Variants in PDZD8 observed in about 807,000 individuals in gnomAD.
PDZD8 encodes the protein PDZ domain containing 8.
Under a neutral mutation model 85.8 loss-of-function variants are expected in PDZD8, and 14 were observed. That is an observed-to-expected ratio of 0.16 (90% CI 0.11 to 0.26). The LOEUF is 0.26. Ranked by LOEUF, PDZD8 falls within the 10% of genes least tolerant of loss-of-function variation. The pLI is 1.00. For missense variants in PDZD8, 1,197 were observed against 1,424.3 expected (o/e 0.84, Z 2.57); for synonymous variants, 592 against 568.6 (o/e 1.04, Z -0.59).
Position 117,327,225 on chromosome 10 carries a change from G to A in PDZD8, c.996-8251C>T, listed in dbSNP as rs561000699. Among the ~76,000 whole-genome samples, 4 of 152,302 alleles carry A rather than the reference G, an allele frequency of 2.6e-5. No homozygotes were observed. In the East Asian group the frequency reaches 7.7e-4, roughly 29 times the overall value. ...ACTGAAAGTAGCACTAATGCCCTAAGTTTTGGTCAGACTCTCACCTAGGGG... is the reference window on the plus strand; with the variant it reads ...ACTGAAAGTAGCACTAATGCCCTAAATTTTGGTCAGACTCTCACCTAGGGG... On this transcript the variant is annotated intron_variant, in intron 2 of 4. Transcript: ENST00000334464.
intron 3 of PDZD8, among the ~76,000 whole-genome samples, chr10:117,315,600 A>AAC (rs201429869): frequency 0.029 from 4,150 of 145,180 alleles, 75 homozygotes; most frequent in South Asian, 0.033. Flanking sequence ...AAAAAAAAAA[A>AAC]AAAAAAAAAA....
intron 2 of PDZD8, among the ~76,000 whole-genome samples, chr10:117,320,286 C>G (rs1205848671): frequency 2.0e-5 from 3 of 152,000 alleles, no homozygotes; most frequent in South Asian, 2.1e-4. Context: ...AGTAAACTAC[C>G]TAAGGGCCTT....
At chr10:117,367,927 G>A (rs1473401831) in intron 1 of PDZD8, among the ~76,000 whole-genome samples, 1 of 151,784 alleles carries the variant, frequency 6.6e-6, no homozygotes, top group African/African-American at 2.4e-5. Context: ...AAAAAGCTAA[G>A]GTCACAATGC....
intron 1 of PDZD8, among the ~76,000 whole-genome samples, chr10:117,365,452 T>C (rs767126422): frequency 6.6e-6 from 1 of 152,154 alleles, no homozygotes; most frequent in South Asian, 2.1e-4. Context: ...AATTTAACAA[T>C]AGTTTTAAGA....
Position 117,281,351 on chromosome 10 carries a change from CAAAAAAAAAAAAAAAAAAAAA to C in PDZD8, c.*1896_*1916del, listed in dbSNP as rs57494461. 2.6e-5 allele frequency: 3 copies of C among 113,936 alleles called. No individual in the cohort carries two copies. Among genetic ancestry groups the C allele is most frequent in the East Asian group, 2.5e-4 (1 of 3,944 alleles). 7.1% of individuals were successfully genotyped at this position (113,936 alleles called of 1,614,324 possible). A position where few individuals can be genotyped will look rare whatever the true frequency, so the allele number is the denominator to read the frequency against. The stretch of plus-strand genomic sequence containing the variant: ...CCTGGGAGACAGCGAGACTCTGTCT[CAAAAAAAAAAAAAAAAAAAAA>C]AAAAAAAAAAAAAAAAAAAGACATC... On this transcript the variant is annotated 3_prime_UTR_variant, in exon 5 of 5. Coordinates refer to ENST00000334464, the MANE Select transcript of PDZD8 (RefSeq NM_173791.5).
At chr10:117,319,000 G>C (rs1415545607) in intron 2 of PDZD8, 26 bp from the exon 3 acceptor site, 1 of 1,450,008 alleles carries the variant, frequency 6.9e-7, no homozygotes, top group Non-Finnish European at 9.7e-7. Context: ...AAACAAGGGA[G>C]AGTATCATAC....
At chr10:117,315,757 C>T (rs1844118959) in intron 3 of PDZD8, among the ~76,000 whole-genome samples, 1 of 152,022 alleles carries the variant, frequency 6.6e-6, no homozygotes, top group Non-Finnish European at 1.5e-5. Flanking sequence ...TTCTGTGGCG[C>T]TAACCAGGCA....
intron 1 of PDZD8, among the ~76,000 whole-genome samples, chr10:117,373,605 A>C (rs1163827522): frequency 2.3e-5 from 1 of 43,862 alleles, no homozygotes; most frequent in Non-Finnish European, 4.5e-5. Flanking sequence ...TAAAAAATAC[A>C]AAAAAAAAAA....
chr10:117,303,186 G>A (rs1003902640), intron 3 of PDZD8, among the ~76,000 whole-genome samples: 1 of 152,308 alleles, frequency 6.6e-6, no homozygotes, highest in Admixed American at 6.5e-5. Flanking sequence ...CACTGACAGC[G>A]ACATGGACAA....
chr10:117,346,154 T>C (rs1300453014), intron 1 of PDZD8, among the ~76,000 whole-genome samples: 1 of 148,386 alleles, frequency 6.7e-6, no homozygotes, highest in Non-Finnish European at 1.5e-5. Context: ...GACAGGAGAA[T>C]CGCTTGAACC....
chr10:117,350,129 C>T (rs1398204229), intron 1 of PDZD8, among the ~76,000 whole-genome samples: 1 of 152,108 alleles, frequency 6.6e-6, no homozygotes, highest in Non-Finnish European at 1.5e-5. Flanking sequence ...CTATAATCAG[C>T]CCCATTTTGC....
rs564574345 is a variant in PDZD8, at chr10:117,375,363, G to C, written c.-136C>G. On this transcript the variant is annotated 5_prime_UTR_variant, in exon 1 of 5. Transcript: ENST00000334464. ...CGAGCGGCTCCGTGGGCCTCGTCCA[G>C]GGGCTCGGGCCGGCGCGCTGCGGCG... is the stretch of plus-strand genomic sequence containing the variant. 16 of 626,664 alleles carry C rather than the reference G, an allele frequency of 2.6e-5. No individual in the cohort carries two copies. The Admixed American group carries it at 5.2e-4, about 20-fold the overall frequency. The allele number at this position is 626,664 out of a possible 1,614,324, so 38.8% of individuals were successfully genotyped here. A position where few individuals can be genotyped will look rare whatever the true frequency, so the allele number is the denominator to read the frequency against.
In PDZD8 at chr10:117,279,735, C is replaced by G. The variant is rs1157436101; in HGVS notation, c.*3533G>C. On this transcript the variant is annotated 3_prime_UTR_variant, in exon 5 of 5. Transcript: ENST00000334464. Reference sequence around the variant, plus strand: ...TATCTGATGAAAACAGCTGTAATATCCACCCATTTGACTTAATCCCGGGGG... The same window carrying G: ...TATCTGATGAAAACAGCTGTAATATGCACCCATTTGACTTAATCCCGGGGG... 1 of 152,154 alleles carries G rather than the reference C, an allele frequency of 6.6e-6. No homozygotes were observed. The highest frequency in any genetic ancestry group is 1.9e-4 in the East Asian group (1 of 5,196). 9.4% of individuals were successfully genotyped at this position (152,154 alleles called of 1,614,324 possible). A position where few individuals can be genotyped will look rare whatever the true frequency, so the allele number is the denominator to read the frequency against.
intron 1 of PDZD8, among the ~76,000 whole-genome samples, chr10:117,355,613 T>G (rs964832823): frequency 6.6e-6 from 1 of 151,806 alleles, no homozygotes; most frequent in African/African-American, 2.4e-5. Context: ...GAGACTCGGT[T>G]TCCTCAGAGG....
chr10:117,343,803 A>C (rs1455643342), intron 1 of PDZD8, among the ~76,000 whole-genome samples: 2 of 152,246 alleles, frequency 1.3e-5, no homozygotes, highest in Admixed American at 6.5e-5. Flanking sequence ...TGAATATACT[A>C]AACGGTGGGA....
At chr10:117,290,631 A>G (rs1426101228) in intron 3 of PDZD8, among the ~76,000 whole-genome samples, 1 of 152,156 alleles carries the variant, frequency 6.6e-6, no homozygotes, top group Non-Finnish European at 1.5e-5. Context: ...ATAAACAGAA[A>G]GGCAAAATAA....
intron 3 of PDZD8, among the ~76,000 whole-genome samples, chr10:117,313,301 A>G (rs1844069944): frequency 6.6e-6 from 1 of 152,214 alleles, no homozygotes; most frequent in South Asian, 2.1e-4. Flanking sequence ...AAAAGAATGT[A>G]AAATATCTCA....
At chr10:117,302,672 C>T (rs755151543) in intron 3 of PDZD8, among the ~76,000 whole-genome samples, 1 of 152,174 alleles carries the variant, frequency 6.6e-6, no homozygotes, top group Non-Finnish European at 1.5e-5. Context: ...CAAATCTCAA[C>T]TTGAATTGTA....
At position 117,374,331 on chromosome 10, in the gene PDZD8, G is replaced by C. The variant is rs773372790; in HGVS notation, c.872+25C>G. The C allele has an allele frequency of 3.7e-6, 6 of 1,606,058 alleles. No individual in the cohort carries two copies. Among genetic ancestry groups the C allele is most frequent in the Admixed American group, 1.7e-5 (1 of 59,740 alleles). Reference sequence around the variant, plus strand: ...CCAGGCCCGGGTTCCCGGCAGCCAGGCCCCCTCCCCGACCTCCAGCTCACC... The same window carrying C: ...CCAGGCCCGGGTTCCCGGCAGCCAGCCCCCCTCCCCGACCTCCAGCTCACC... On this transcript the variant is annotated intron_variant, in intron 1 of 4. Transcript: ENST00000334464. The surrounding 1 kb of genome is among the most constrained non-coding windows in gnomAD (Gnocchi z 7.8).
Sources: gnomAD v4.1 joint callset for allele counts (sites outside exome capture counted in the v4.1 genomes callset) on GRCh38, gnomAD v4.1.1 for gene constraint, Gnocchi (gnomAD v3.1) non-coding constraint, MANE v1.5 for transcripts, NCBI Gene and HGNC (gene_info 2026-07-23, HGNC 2026-07-21) for gene names.